The following PSMA8 variants were observed in gnomAD, a reference collection of about 807,000 sequenced individuals.
The protein encoded by PSMA8 is proteasome subunit alpha-type 8.
PSMA8 carries 18 observed loss-of-function variants against 32.4 expected under a neutral mutation model. The ratio of observed to expected loss-of-function variants is 0.56; its 90% CI spans 0.38 to 0.82. The LOEUF is 0.82. Among genes scored for constraint, PSMA8 ranks in the 40% least tolerant of loss-of-function variants. PSMA8 has a pLI of 0.00. For synonymous variants in PSMA8, 104 were observed against 98.1 expected (o/e 1.06, Z -0.36); for missense variants, 298 against 300.7 (o/e 0.99, Z 0.07).
intron 4 of PSMA8, among the ~76,000 whole-genome samples, chr18:26,160,515 A>G (rs1208063433): frequency 1.3e-5 from 2 of 152,296 alleles, no homozygotes; most frequent in East Asian, 3.9e-4. Context: ...GAACTATAAC[A>G]TTTTAGCTAT....
At chr18:26,150,340 CT>C (rs1358588841) in intron 2 of PSMA8, among the ~76,000 whole-genome samples, 126 of 143,556 alleles carry the variant, frequency 8.8e-4, no homozygotes, top group South Asian at 1.1e-3. Flanking sequence ...AATTTGATTC[CT>C]TTTTTTTTTT....
chr18:26,173,579 G>A (rs1214072444), intron 4 of PSMA8, among the ~76,000 whole-genome samples: 1 of 146,826 alleles, frequency 6.8e-6, no homozygotes, highest in Non-Finnish European at 1.5e-5. Flanking sequence ...TTTTTGAGAT[G>A]GAGTTTTGCT....
intron 6 of PSMA8, among the ~76,000 whole-genome samples, chr18:26,188,236 C>A (rs2055372195): frequency 6.7e-6 from 1 of 149,478 alleles, no homozygotes; most frequent in African/African-American, 2.5e-5. Context: ...TTTCTTGAAA[C>A]AAGTGATAAT....
At chr18:26,172,053 C>T (rs1400806669) in intron 4 of PSMA8, among the ~76,000 whole-genome samples, 1 of 152,170 alleles carries the variant, frequency 6.6e-6, no homozygotes, top group African/African-American at 2.4e-5. Flanking sequence ...TGTTTTATAG[C>T]AAGCAATAAG....
At chr18:26,186,181 A>C (rs1018485677) in intron 6 of PSMA8, among the ~76,000 whole-genome samples, 1 of 140,798 alleles carries the variant, frequency 7.1e-6, no homozygotes, top group African/African-American at 2.6e-5. Flanking sequence ...CCTGGGAGGC[A>C]GAGGTTGCAG....
rs779634153 is a variant in PSMA8, at chr18:26,192,419, G to T, written c.*8G>T. The T allele has an allele frequency of 6.6e-7, 1 of 1,523,224 alleles. No homozygotes were observed. Among genetic ancestry groups the T allele is most frequent in the Admixed American group, 2.6e-5 (1 of 38,028 alleles). 94.4% of individuals were successfully genotyped at this position (1,523,224 alleles called of 1,614,324 possible). ...TCAAAGAAATCTGTCTAATTCTTAG[G>T]ATGACCACTGGGAGGTCTTAATGTT... is the stretch of plus-strand genomic sequence containing the variant. On this transcript the variant is annotated 3_prime_UTR_variant, in exon 7 of 7. Transcript: ENST00000415576.
intron 3 of PSMA8, among the ~76,000 whole-genome samples, chr18:26,155,303 C>T (rs1212730524): frequency 6.6e-6 from 1 of 152,092 alleles, no homozygotes; most frequent in Non-Finnish European, 1.5e-5. Flanking sequence ...TTTACAACAG[C>T]TACTTTATAC....
At chr18:26,190,013 G>A (rs1320222486) in intron 6 of PSMA8, among the ~76,000 whole-genome samples, 2 of 152,176 alleles carry the variant, frequency 1.3e-5, no homozygotes, top group African/African-American at 4.8e-5. Context: ...GATGGAACTG[G>A]AGATCATTAT....
At chr18:26,155,430 T>C (rs1489898089) in intron 3 of PSMA8, among the ~76,000 whole-genome samples, 4 of 152,064 alleles carry the variant, frequency 2.6e-5, no homozygotes, top group Admixed American at 2.6e-4. Flanking sequence ...GTAACCAAAA[T>C]AGCATGGTGC....
chr18:26,144,729 G>C (rs1487392143), intron 2 of PSMA8, 44 bp downstream of exon 2: 1 of 1,598,032 alleles, frequency 6.3e-7, no homozygotes, highest in Non-Finnish European at 8.6e-7. Context: ...TCTTACTGTA[G>C]TAGGGCAACA....
In PSMA8 at chr18:26,192,567, C is replaced by T. The variant is rs1410413299; in HGVS notation, c.*156C>T. On this transcript the variant is annotated 3_prime_UTR_variant, in exon 7 of 7. Transcript: ENST00000415576. ...TGCCAGATCTGTGGCTGTCTTCATT[C>T]TATTACATAGTCAAACATAGGTTTA... is the stretch of plus-strand genomic sequence containing the variant. 3 of 810,132 alleles carry T rather than the reference C, an allele frequency of 3.7e-6. No individual in the cohort carries two copies. The highest frequency in any genetic ancestry group is 9.1e-5 in the Admixed American group (2 of 21,872). 50.2% of individuals were successfully genotyped at this position (810,132 alleles called of 1,614,324 possible).
chr18:26,149,768 A>T (rs1252705648), intron 2 of PSMA8, among the ~76,000 whole-genome samples: 6 of 152,218 alleles, frequency 3.9e-5, no homozygotes, highest in African/African-American at 1.4e-4. Flanking sequence ...CTAACATCAC[A>T]TACAAAAATT....
At chr18:26,187,287 T>C (rs1363381500) in intron 6 of PSMA8, among the ~76,000 whole-genome samples, 1 of 151,964 alleles carries the variant, frequency 6.6e-6, no homozygotes, top group Non-Finnish European at 1.5e-5. Flanking sequence ...GCAGAGGTCG[T>C]AGTGAGCTGA....
At chr18:26,136,658 A>G (rs922871185) in intron 1 of PSMA8, among the ~76,000 whole-genome samples, 6 of 152,176 alleles carry the variant, frequency 3.9e-5, no homozygotes, top group African/African-American at 1.2e-4. Context: ...AATCTGTACC[A>G]CAGAATATTG....
chr18:26,140,761 T>C (rs1464895724), intron 1 of PSMA8, among the ~76,000 whole-genome samples: 1 of 152,242 alleles, frequency 6.6e-6, no homozygotes, highest in Non-Finnish European at 1.5e-5. Context: ...ATCTGCATCA[T>C]AGAATAATTT....
At chr18:26,182,082 G>A (rs1024164931) in intron 6 of PSMA8, among the ~76,000 whole-genome samples, 12 of 152,282 alleles carry the variant, frequency 7.9e-5, no homozygotes, top group Admixed American at 4.6e-4. Context: ...GTGAGGAAGC[G>A]GAAGAAGAAA....
In PSMA8 at chr18:26,144,539, G is replaced by A. The variant is rs1235710193; in HGVS notation, c.103-20G>A. On this transcript the variant is annotated intron_variant, in intron 1 of 6. Coordinates refer to ENST00000415576, the MANE Select transcript of PSMA8 (RefSeq NM_001025096.2). ...TTTAAACTGACATCTGAATATATAT[G>A]TATTTTAATGACTTGACAGGTCGGA... The A allele has an allele frequency of 3.7e-6, 6 of 1,601,062 alleles. No individual in the cohort carries two copies. The African/African-American group carries it at 4.0e-5, about 11-fold the overall frequency.
At chr18:26,136,060 C>T (rs2054909247) in intron 1 of PSMA8, among the ~76,000 whole-genome samples, 1 of 151,942 alleles carries the variant, frequency 6.6e-6, no homozygotes, top group South Asian at 2.1e-4. Context: ...CAAGGTTGAC[C>T]AGTTTTGACC....
chr18:26,158,303 C>A, intron 4 of PSMA8, 59 bp downstream of exon 4: 1 of 1,336,994 alleles, frequency 7.5e-7, no homozygotes, highest in Admixed American at 2.4e-5. Flanking sequence ...AATGTAAATG[C>A]TTTATTGCTT....
Sources: allele counts gnomAD v4.1 joint callset (sites outside exome capture counted in the v4.1 genomes callset), GRCh38; gene constraint gnomAD v4.1.1; transcripts MANE v1.5; gene names NCBI Gene and HGNC (gene_info 2026-07-23, HGNC 2026-07-21).